Variants in ZNF737 observed in about 807,000 individuals in gnomAD.
The protein encoded by ZNF737 is zinc finger protein 102 (Y3).
ZNF737 carries 13 observed loss-of-function variants against 11.7 expected under a neutral mutation model. The ratio of observed to expected loss-of-function variants is 1.11; its 90% CI spans 0.73 to 1.77. ZNF737 has a LOEUF of 1.77. Ranked by LOEUF, ZNF737 falls within the 40% of genes most tolerant of loss-of-function variation. The pLI is 0.00. For synonymous variants in ZNF737, 217 were observed against 216.2 expected (o/e 1.00, Z -0.03); for missense variants, 636 against 638.0 (o/e 1.00, Z 0.03).
intron 1 of ZNF737, among the ~76,000 whole-genome samples, chr19:20,554,605 TTG>T (rs1968814907): frequency 6.6e-6 from 1 of 152,216 alleles, no homozygotes; most frequent in African/African-American, 2.4e-5. Flanking sequence ...AATTTTTATG[TTG>T]TGCTAATGCA....
At chr19:20,553,016 A>ACCCC (rs1568432533) in intron 2 of ZNF737, among the ~76,000 whole-genome samples, 16 of 151,328 alleles carry the variant, frequency 1.1e-4, no homozygotes, top group African/African-American at 3.6e-4. Context: ...TGTCCCCGAA[A>ACCCC]AAAAAAAAAA....
chr19:20,539,188 G>A lies in ZNF737; in HGVS notation c.*5404C>T, dbSNP rs1259711476. The A allele has an allele frequency of 1.5e-5, 10 of 650,806 alleles. No individual in the cohort carries two copies. Among genetic ancestry groups the A allele is most frequent in the Middle Eastern group, 7.7e-4 (1 of 1,300 alleles). The allele number at this position is 650,806 out of a possible 1,614,324, so 40.3% of individuals were successfully genotyped here. A position where few individuals can be genotyped will look rare whatever the true frequency, so the allele number is the denominator to read the frequency against. ...GCCTGTTATCCCAGCTACTCAGGAGGCTGAGGCGGAAGAATCACTTGAACC... is the reference window on the plus strand; with the variant it reads ...GCCTGTTATCCCAGCTACTCAGGAGACTGAGGCGGAAGAATCACTTGAACC... On this transcript the variant is annotated 3_prime_UTR_variant, in exon 4 of 4. Coordinates refer to ENST00000427401, the MANE Select transcript of ZNF737 (RefSeq NM_001159293.2).
At position 20,551,447 on chromosome 19, in the gene ZNF737, AAAAG is replaced by A. The variant is rs1219183560; in HGVS notation, c.226+1024_226+1027del. ...CCCATCTCAAAAAAAAAAAAAAAAAAAAAGAAAGAAAGAAAGAAATCCATTGCAA... is the reference window on the plus strand; with the variant it reads ...CCCATCTCAAAAAAAAAAAAAAAAAAAAAGAAAGAAAGAAATCCATTGCAA... On this transcript the variant is annotated intron_variant, in intron 3 of 3. Transcript: ENST00000427401. Among the ~76,000 whole-genome samples, 12 of 131,722 alleles carry A rather than the reference AAAAG, an allele frequency of 9.1e-5. No individual in the cohort carries two copies. In the South Asian group the frequency reaches 9.8e-4, roughly 11 times the overall value. 86.4% of individuals were successfully genotyped at this position (131,722 alleles called of 152,430 possible).
At position 20,538,319 on chromosome 19, in the gene ZNF737, CCTT is replaced by C. The variant is rs782734876; in HGVS notation, c.*6270_*6272del. ...CATTAGGTCATAGCCTGTTCCTCCTCCTTATTTGAAGGTATTTTTACCTTTCTC... is the reference window on the plus strand; with the variant it reads ...CATTAGGTCATAGCCTGTTCCTCCTCATTTGAAGGTATTTTTACCTTTCTC... On this transcript the variant is annotated 3_prime_UTR_variant, in exon 4 of 4. Transcript: ENST00000427401. 7.9e-5 allele frequency among the ~76,000 whole-genome samples: 12 copies of C among 152,360 alleles called. No individual in the cohort carries two copies. Among genetic ancestry groups the C allele is most frequent in the African/African-American group, 1.9e-4 (8 of 41,592 alleles).
chr19:20,537,517 T>G (rs1272641553), downstream of ZNF737, among the ~76,000 whole-genome samples: 1 of 104,966 alleles, frequency 9.5e-6, no homozygotes, highest in Non-Finnish European at 1.8e-5. Flanking sequence ...TTCTATTTTT[T>G]TTTTTTTTTT....
In ZNF737 at chr19:20,541,426, A is replaced by G. The variant is rs1968201930; in HGVS notation, c.*3166T>C. The G allele has an allele frequency of 2.0e-6, 2 of 978,378 alleles. No homozygotes were observed. Among genetic ancestry groups the G allele is most frequent in the Admixed American group, 6.2e-5 (1 of 16,232 alleles). The allele number at this position is 978,378 out of a possible 1,614,324, so 60.6% of individuals were successfully genotyped here. On this transcript the variant is annotated 3_prime_UTR_variant, in exon 4 of 4. Coordinates refer to ENST00000427401, the MANE Select transcript of ZNF737 (RefSeq NM_001159293.2). Reference sequence around the variant, plus strand: ...TTACAAGTATTTATAATTTTTCAGGACTCAGAAATGTATGGATTTTATTTT... The same window carrying G: ...TTACAAGTATTTATAATTTTTCAGGGCTCAGAAATGTATGGATTTTATTTT...
downstream of ZNF737, among the ~76,000 whole-genome samples, chr19:20,535,346 T>C (rs541916886): frequency 6.6e-6 from 1 of 152,190 alleles, no homozygotes; most frequent in Admixed American, 6.5e-5. Flanking sequence ...AGCTAAGGTT[T>C]GAAATCAACC....
At chr19:20,535,001 C>G (rs1555753564), downstream of ZNF737, among the ~76,000 whole-genome samples, 1 of 149,660 alleles carries the variant, frequency 6.7e-6, no homozygotes, top group Non-Finnish European at 1.5e-5. Flanking sequence ...TTTTACCAGT[C>G]ATAATTTATA....
chr19:20,534,522 A>G (rs1195561020), downstream of ZNF737, among the ~76,000 whole-genome samples: 2 of 150,218 alleles, frequency 1.3e-5, 1 homozygote, highest in Non-Finnish European at 3.0e-5. Flanking sequence ...GAAGTATTTT[A>G]GAGATGTTAA....
Position 20,544,744 on chromosome 19 carries a change from C to T in ZNF737, c.1459G>A (p.Gly487Ser). Reference sequence around the variant, plus strand: ...ATAAAGGAGCGCTTAAAAGCCTTGCCACATCGTTCACATTTGTAGGGTTTC... The same window carrying T: ...ATAAAGGAGCGCTTAAAAGCCTTGCTACATCGTTCACATTTGTAGGGTTTC... ...GEKPYKCERC[G>S]KAFKRSFILT... The change falls in exon 4 of 4, where the codon GGC becomes AGC. Residue 487 changes from glycine (G) to serine (S), a missense_variant. Physicochemically the swap from Gly to Ser is moderately conservative, Grantham distance 56. Transcript: ENST00000427401. The T allele has an allele frequency of 6.2e-7, 1 of 1,607,086 alleles. No homozygotes were observed. The highest frequency in any genetic ancestry group is 8.5e-7 in the Non-Finnish European group (1 of 1,177,770).
At chr19:20,536,268 A>G (rs1482512517), downstream of ZNF737, 2 of 215,764 alleles carry the variant, frequency 9.3e-6, no homozygotes, top group Admixed American at 1.3e-4. Flanking sequence ...CACAGTAGAA[A>G]AGGAAAATTG....
intron 1 of ZNF737, among the ~76,000 whole-genome samples, chr19:20,560,168 G>A (rs1162078000): frequency 1.4e-3 from 94 of 67,566 alleles, no homozygotes; most frequent in African/African-American, 4.8e-3. Context: ...GCGAGACTCC[G>A]TCTCAAAAAA....
chr19:20,541,460 T>C lies in ZNF737; in HGVS notation c.*3132A>G. 1.1e-6 allele frequency: 1 copy of C among 944,912 alleles called. No homozygotes were observed. The highest frequency in any genetic ancestry group is 4.9e-5 in the South Asian group (1 of 20,416). 58.5% of individuals were successfully genotyped at this position (944,912 alleles called of 1,614,324 possible). ...TGTATGGATTTTATTTTTATTTTAT[T>C]TTTTGAGATGGAGACTCACTCTGTC... On this transcript the variant is annotated 3_prime_UTR_variant, in exon 4 of 4. Transcript: ENST00000427401.
chr19:20,551,295 G>A (rs1250203720), intron 3 of ZNF737: 1 of 151,946 alleles, frequency 6.6e-6, no homozygotes, highest in Non-Finnish European at 1.5e-5. Context: ...TAGGTGTTGT[G>A]GTGAGCACCA....
At chr19:20,549,051 A>G (rs1968572413) in intron 3 of ZNF737, among the ~76,000 whole-genome samples, 1 of 151,056 alleles carries the variant, frequency 6.6e-6, no homozygotes, top group South Asian at 2.1e-4. Context: ...ATATATATTC[A>G]TTGTTAAACA....
At position 20,543,663 on chromosome 19, in the gene ZNF737, G is replaced by A; in HGVS notation, c.*929C>T. ...TATGAATTATCCAACCTACAATCAA[G>A]AGTGGCAACCATATAAAGGCTTTGT... On this transcript the variant is annotated 3_prime_UTR_variant, in exon 4 of 4. Coordinates refer to ENST00000427401, the MANE Select transcript of ZNF737 (RefSeq NM_001159293.2). The A allele has an allele frequency of 1.0e-6, 1 of 985,442 alleles. No homozygotes were observed. Among genetic ancestry groups the A allele is most frequent in the Non-Finnish European group, 1.2e-6 (1 of 829,924 alleles). 61.0% of individuals were successfully genotyped at this position (985,442 alleles called of 1,614,324 possible). A position where few individuals can be genotyped will look rare whatever the true frequency, so the allele number is the denominator to read the frequency against.
Position 20,545,711 on chromosome 19 carries a change from C to A in ZNF737, c.492G>T (p.Lys164Asn). 4.3e-6 allele frequency: 7 copies of A among 1,612,908 alleles called. No individual in the cohort carries two copies. Among genetic ancestry groups the A allele is most frequent in the Non-Finnish European group, 5.9e-6 (7 of 1,179,404 alleles). The part of the protein sequence containing the change: ...IHKFSNSNRH[K>N]IRHTGKKPFK... ...AAGGTTTTTTTCCAGTATGTCTTAT[C>A]TTATGTCTGTTTGAATTTGAAAATT... The change falls in exon 4 of 4, where the codon AAG becomes AAT. Residue 164 changes from lysine (K) to asparagine (N), a missense_variant. Transcript: ENST00000427401.
chr19:20,540,019 A>G lies in ZNF737; in HGVS notation c.*4573T>C, dbSNP rs144816763. The G allele has an allele frequency of 0.055, 54,382 of 984,452 alleles. 1,658 individuals are homozygous for G. The highest frequency in any genetic ancestry group is 0.13 in the Middle Eastern group (250 of 1,908). 61.0% of individuals were successfully genotyped at this position (984,452 alleles called of 1,614,324 possible). ...TCCTGTTTCTCTTAAGCTATCCCAG[A>G]TGAGAGGTGATTATTTCTTGAATGA... On this transcript the variant is annotated 3_prime_UTR_variant, in exon 4 of 4. Coordinates refer to ENST00000427401, the MANE Select transcript of ZNF737 (RefSeq NM_001159293.2).
downstream of ZNF737, among the ~76,000 whole-genome samples, chr19:20,534,487 A>ATCTATCTG (rs1568419368): frequency 6.8e-6 from 1 of 147,770 alleles, no homozygotes; most frequent in African/African-American, 2.5e-5. Flanking sequence ...CTATCTATCT[A>ATCTATCTG]TCTACTGTCA....
Sources: allele counts gnomAD v4.1 joint callset (sites outside exome capture counted in the v4.1 genomes callset), GRCh38; gene constraint gnomAD v4.1.1; transcripts MANE v1.5; gene names NCBI Gene and HGNC (gene_info 2026-07-23, HGNC 2026-07-21).